The following NTNG1 variants were observed in gnomAD, a reference collection of about 807,000 sequenced individuals.
NTNG1 encodes the protein netrin-G1.
In NTNG1, 16 loss-of-function variants were observed where a neutral mutation model predicts 54.0. The observed-to-expected ratio is 0.30, with a 90% CI of 0.20 to 0.45. NTNG1 has a LOEUF of 0.45. Ranked by LOEUF, NTNG1 falls within the 20% of genes least tolerant of loss-of-function variation. NTNG1 has a pLI of 1.00. For synonymous variants in NTNG1, 255 were observed against 263.1 expected (o/e 0.97, Z 0.30); for missense variants, 530 against 678.7 (o/e 0.78, Z 2.43).
chr1:107,228,874 G>A (rs1660866438), intron 2 of NTNG1, among the ~76,000 whole-genome samples: 1 of 152,164 alleles, frequency 6.6e-6, no homozygotes, highest in Non-Finnish European at 1.5e-5. Flanking sequence ...GACAAGCCAT[G>A]TGCTGTGGTC....
intron 5 of NTNG1, among the ~76,000 whole-genome samples, chr1:107,417,133 T>C (rs1047082856): frequency 5.3e-5 from 8 of 152,094 alleles, no homozygotes; most frequent in South Asian, 2.1e-4. Flanking sequence ...ATTCAGTCAA[T>C]TGACTTACAT....
intron 7 of NTNG1, among the ~76,000 whole-genome samples, chr1:107,473,925 T>C (rs1418370635): frequency 6.6e-6 from 1 of 152,222 alleles, no homozygotes; most frequent in East Asian, 1.9e-4. Context: ...CCACAAATTA[T>C]CTTGGTCACT....
intron 5 of NTNG1, among the ~76,000 whole-genome samples, chr1:107,427,356 G>C (rs1220009841): frequency 1.3e-5 from 2 of 151,936 alleles, no homozygotes; most frequent in African/African-American, 4.8e-5. Context: ...GGAGGTCATG[G>C]GAGGTCAGTG....
intron 6 of NTNG1, among the ~76,000 whole-genome samples, chr1:107,434,986 T>G (rs1289451116): frequency 1.3e-5 from 2 of 152,176 alleles, no homozygotes; most frequent in Non-Finnish European, 2.9e-5. Context: ...GACTGGGATA[T>G]ATTATGGTTT....
chr1:107,324,242 C>T (rs745807462), intron 2 of NTNG1, 40 bp from the exon 3 acceptor site: 1 of 1,586,578 alleles, frequency 6.3e-7, no homozygotes, highest in East Asian at 2.3e-5. Context: ...TTGTGGCAAA[C>T]CAGTGTTTTG....
At chr1:107,324,980 A>C (rs1667867808) in intron 3 of NTNG1, 58 bp downstream of exon 3, 11 of 1,478,046 alleles carry the variant, frequency 7.4e-6, no homozygotes, top group Non-Finnish European at 1.0e-5. Flanking sequence ...AAAATGCCAG[A>C]GTGTCTCACA....
intron 3 of NTNG1, among the ~76,000 whole-genome samples, chr1:107,331,577 C>T (rs1223508451): frequency 1.3e-5 from 2 of 152,034 alleles, no homozygotes; most frequent in African/African-American, 4.8e-5. Flanking sequence ...GTTAATTTTT[C>T]TCCCATATTT....
At chr1:107,420,109 C>T (rs893337151) in intron 5 of NTNG1, among the ~76,000 whole-genome samples, 2 of 152,046 alleles carry the variant, frequency 1.3e-5, no homozygotes, top group Non-Finnish European at 2.9e-5. Context: ...TAAGACAACA[C>T]TTCTCCACAG....
intron 2 of NTNG1, among the ~76,000 whole-genome samples, chr1:107,163,912 T>C (rs1655585946): frequency 6.6e-6 from 1 of 152,204 alleles, no homozygotes; most frequent in Non-Finnish European, 1.5e-5. Context: ...GCATGGGAAA[T>C]GGAAATGCTA....
At chr1:107,453,851 A>G (rs1326964319) in intron 7 of NTNG1, among the ~76,000 whole-genome samples, 1 of 152,184 alleles carries the variant, frequency 6.6e-6, no homozygotes, top group Non-Finnish European at 1.5e-5. Context: ...GAGTGCTAAT[A>G]TACTCATTTT....
At chr1:107,381,238 C>A (rs1221533949) in intron 3 of NTNG1, among the ~76,000 whole-genome samples, 2 of 148,724 alleles carry the variant, frequency 1.3e-5, no homozygotes, top group African/African-American at 5.0e-5. Flanking sequence ...AGGAGCTAGA[C>A]CTAGAGAAGC....
At chr1:107,247,631 A>G (rs990824588) in intron 2 of NTNG1, among the ~76,000 whole-genome samples, 2 of 152,120 alleles carry the variant, frequency 1.3e-5, no homozygotes, top group Non-Finnish European at 2.9e-5. Flanking sequence ...TCCAGATAAC[A>G]TGATCAGCTT....
Position 107,478,706 on chromosome 1 carries a change from G to A in NTNG1, c.1391-1905G>A, listed in dbSNP as rs114680548. Among the ~76,000 whole-genome samples, 1,472 of 152,276 alleles carry A rather than the reference G, an allele frequency of 9.7e-3. 9 individuals are homozygous for A. The highest frequency in any genetic ancestry group is 0.016 in the Non-Finnish European group (1,090 of 68,016). ...TGCTGCCTGGAACAAGAAATGCTGAGGATCTTCAACTTTAGCTGAAAACAG... is the reference window on the plus strand; with the variant it reads ...TGCTGCCTGGAACAAGAAATGCTGAAGATCTTCAACTTTAGCTGAAAACAG... On this transcript the variant is annotated intron_variant, in intron 7 of 7. Transcript: ENST00000370068.
chr1:107,250,678 T>G (rs1662539972), intron 2 of NTNG1, among the ~76,000 whole-genome samples: 1 of 152,116 alleles, frequency 6.6e-6, no homozygotes, highest in African/African-American at 2.4e-5. Flanking sequence ...TCAACCTAAC[T>G]CTCGGTCCTT....
chr1:107,339,580 G>A (rs1196133781), intron 3 of NTNG1, among the ~76,000 whole-genome samples: 1 of 152,018 alleles, frequency 6.6e-6, no homozygotes, highest in Non-Finnish European at 1.5e-5. Flanking sequence ...AGCAATTTAT[G>A]TTTGTGGACT....
At chr1:107,320,414 T>C (rs1376500199) in intron 2 of NTNG1, among the ~76,000 whole-genome samples, 1 of 152,084 alleles carries the variant, frequency 6.6e-6, no homozygotes. Flanking sequence ...TCAGAAAAAG[T>C]TGCATTTTCT....
chr1:107,284,304 A>C (rs1038708011), intron 2 of NTNG1, among the ~76,000 whole-genome samples: 4 of 152,156 alleles, frequency 2.6e-5, no homozygotes, highest in African/African-American at 9.6e-5. Context: ...CAACATCAGG[A>C]GAATTTGGGC....
intron 2 of NTNG1, among the ~76,000 whole-genome samples, chr1:107,220,424 A>G (rs1660264899): frequency 6.6e-6 from 1 of 152,218 alleles, no homozygotes. Flanking sequence ...CTGTCTGTTC[A>G]AGTGGGAGCT....
chr1:107,441,043 A>T (rs908370330), intron 7 of NTNG1, among the ~76,000 whole-genome samples: 12 of 152,232 alleles, frequency 7.9e-5, no homozygotes, highest in South Asian at 2.1e-4. Context: ...AGAAAGAGAA[A>T]AAAAGTTTTA....
Sources: gnomAD v4.1 joint callset for allele counts (sites outside exome capture counted in the v4.1 genomes callset) on GRCh38, gnomAD v4.1.1 for gene constraint, MANE v1.5 for transcripts, NCBI Gene and HGNC (gene_info 2026-07-23, HGNC 2026-07-21) for gene names.